Variants in GALNT2 observed in about 807,000 individuals in gnomAD.
GALNT2 encodes the protein UDP-GalNAc:polypeptide N-acetylgalactosaminyltransferase 2.
Under a neutral mutation model 81.4 loss-of-function variants are expected in GALNT2, and 31 were observed. The ratio of observed to expected loss-of-function variants is 0.38; its 90% CI spans 0.29 to 0.51. The LOEUF (loss-of-function observed/expected upper bound fraction) is 0.51, where lower values mean the gene tolerates loss of function less well. Ranked by LOEUF, GALNT2 falls within the 20% of genes least tolerant of loss-of-function variation. The probability of loss-of-function intolerance (pLI) is 0.87; values close to 1 mark genes in which losing one functional copy is unlikely to be tolerated. For missense variants in GALNT2, 629 were observed against 765.7 expected, an observed-to-expected ratio of 0.82 and a Z score of 2.11; for synonymous variants, 303 against 287.4, an observed-to-expected ratio of 1.05 and a Z score of -0.55.
intron 1 of GALNT2, among the ~76,000 whole-genome samples, chr1:230,137,118 G>C (rs11807860): frequency 0.39 from 59,129 of 152,046 alleles, 11,714 homozygotes; most frequent in South Asian, 0.52. Flanking sequence ...GAGGCGTGTG[G>C]ACTGTTCCCA....
chr1:230,235,213 CAA>C (rs10532058), intron 3 of GALNT2, among the ~76,000 whole-genome samples: 18,035 of 76,450 alleles, frequency 0.24, 1,163 homozygotes, highest in East Asian at 0.45. Flanking sequence ...GACCCTGTCT[CAA>C]AAAAAAAAAA....
chr1:230,233,072 C>A (rs1269318631), intron 3 of GALNT2, among the ~76,000 whole-genome samples: 1 of 152,180 alleles, frequency 6.6e-6, no homozygotes, highest in Non-Finnish European at 1.5e-5. Flanking sequence ...CGAGGGAAAA[C>A]GAGTGTCTGT....
At chr1:230,164,525 C>CTG (rs869285148) in intron 1 of GALNT2, among the ~76,000 whole-genome samples, 7 of 82,308 alleles carry the variant, frequency 8.5e-5, no homozygotes, top group African/African-American at 2.7e-4. Flanking sequence ...ACAGCACGGT[C>CTG]TCTGGGCCCT....
intron 11 of GALNT2, among the ~76,000 whole-genome samples, chr1:230,255,988 C>T (rs950659762): frequency 1.3e-5 from 2 of 152,032 alleles, no homozygotes; most frequent in Non-Finnish European, 2.9e-5. Flanking sequence ...TGGTGTCTGG[C>T]GAGGGTCTTC....
At chr1:230,173,045 G>T (rs1662844939) in intron 1 of GALNT2, among the ~76,000 whole-genome samples, 1 of 152,166 alleles carries the variant, frequency 6.6e-6, no homozygotes, top group Non-Finnish European at 1.5e-5. Context: ...CAATTTGGGA[G>T]ATACATATTT....
chr1:230,131,836 G>A (rs576834255), intron 1 of GALNT2, among the ~76,000 whole-genome samples: 34 of 152,318 alleles, frequency 2.2e-4, no homozygotes, highest in Admixed American at 5.9e-4. Context: ...CAGAATGTTG[G>A]CAAACTGACA....
At chr1:230,173,510 G>A (rs1456713491) in intron 1 of GALNT2, among the ~76,000 whole-genome samples, 1 of 152,168 alleles carries the variant, frequency 6.6e-6, no homozygotes, top group Non-Finnish European at 1.5e-5. Context: ...AGATGGGTCT[G>A]CATCCTGGGA....
chr1:230,265,003 A>G (rs1335601312), intron 13 of GALNT2: 1 of 400,168 alleles, frequency 2.5e-6, no homozygotes, highest in South Asian at 5.3e-5. Flanking sequence ...ATGACCTGAT[A>G]TAGAATATAA....
chr1:230,184,212 A>G (rs2102690490), intron 2 of GALNT2, among the ~76,000 whole-genome samples: 1 of 146,548 alleles, frequency 6.8e-6, no homozygotes, highest in East Asian at 2.0e-4. Context: ...TTTTTGCGAC[A>G]GAGTCTCGCT....
At chr1:230,096,579 T>G (rs866336259) in intron 1 of GALNT2, among the ~76,000 whole-genome samples, 5 of 152,196 alleles carry the variant, frequency 3.3e-5, no homozygotes, top group South Asian at 2.1e-4. Flanking sequence ...AAAGTTTTTT[T>G]TTGTTGTTAA....
At chr1:230,219,941 G>C (rs990445795) in intron 3 of GALNT2, among the ~76,000 whole-genome samples, 4 of 152,146 alleles carry the variant, frequency 2.6e-5, no homozygotes, top group Admixed American at 1.3e-4. Context: ...AGCTGTGCAT[G>C]ATTTCTCCAG....
intron 1 of GALNT2, among the ~76,000 whole-genome samples, chr1:230,061,770 G>A (rs1453375309): frequency 6.6e-6 from 1 of 151,950 alleles, no homozygotes; most frequent in Non-Finnish European, 1.5e-5. Flanking sequence ...TACCACTATT[G>A]TGTATGTGAG....
rs531858045 is a variant in GALNT2, at chr1:230,228,355, C to T, written c.375-7659C>T. On this transcript the variant is annotated intron_variant, in intron 3 of 15. Coordinates refer to ENST00000366672, the MANE Select transcript of GALNT2 (RefSeq NM_004481.5). ...TATCCACTGGCATCTTGAAGATCTT[C>T]GCCTAGTAGGGGCCATGAAGAGTTA... is the stretch of plus-strand genomic sequence containing the variant. Among the ~76,000 whole-genome samples, 141 of 152,046 alleles carry T rather than the reference C, an allele frequency of 9.3e-4. 1 individual carries two copies. The highest frequency in any genetic ancestry group is 3.2e-3 in the African/African-American group (134 of 41,530).
intron 10 of GALNT2, among the ~76,000 whole-genome samples, chr1:230,254,568 T>C (rs1292398156): frequency 6.6e-6 from 1 of 152,198 alleles, no homozygotes; most frequent in Non-Finnish European, 1.5e-5. Context: ...GACTTGAGCC[T>C]GCTAATACAC....
intron 1 of GALNT2, among the ~76,000 whole-genome samples, chr1:230,058,913 G>A (rs141057174): frequency 5.3e-5 from 8 of 152,212 alleles, no homozygotes; most frequent in African/African-American, 1.4e-4. Flanking sequence ...AGTATGACAG[G>A]GCCTGGGCAA....
In GALNT2 at chr1:230,246,153, A is replaced by G. The variant is rs1665362776; in HGVS notation, c.817+3A>G. 1 of 1,611,750 alleles carries G rather than the reference A, an allele frequency of 6.2e-7. No homozygotes were observed. On this transcript the variant is annotated splice_donor_region_variant and intron_variant, in intron 8 of 15. Transcript: ENST00000366672. ...GGCATCTGCTGACTTGAAGGGCGGT[A>G]GGTGTCTGTCATGGTGCCCCTGCCT...
chr1:230,106,935 G>A (rs1300825473), intron 1 of GALNT2, among the ~76,000 whole-genome samples: 5 of 152,182 alleles, frequency 3.3e-5, no homozygotes, highest in Admixed American at 2.0e-4. Flanking sequence ...CAGTGATAAG[G>A]CAGAGGCCCA....
intron 14 of GALNT2, among the ~76,000 whole-genome samples, chr1:230,274,079 G>A (rs185454325): frequency 6.6e-6 from 1 of 152,244 alleles, no homozygotes; most frequent in African/African-American, 2.4e-5. Flanking sequence ...TCTACCTGGT[G>A]TATAACCAAG....
At chr1:230,104,253 T>A (rs1660478018) in intron 1 of GALNT2, among the ~76,000 whole-genome samples, 1 of 152,026 alleles carries the variant, frequency 6.6e-6, no homozygotes. Flanking sequence ...CCGAACAGGG[T>A]CTCTCCTCCT....
Sources: gnomAD v4.1 joint callset for allele counts (sites outside exome capture counted in the v4.1 genomes callset) on GRCh38, gnomAD v4.1.1 for gene constraint, MANE v1.5 for transcripts, NCBI Gene and HGNC (gene_info 2026-07-23, HGNC 2026-07-21) for gene names.